HEPH: variants seen among roughly 807,000 people sequenced by gnomAD.
HEPH encodes hephaestin.
HEPH carries 69 observed loss-of-function variants against 80.8 expected under a neutral mutation model. That is an observed-to-expected ratio of 0.85 (90% CI 0.70 to 1.04). HEPH has a LOEUF of 1.04. Ranked by LOEUF, HEPH falls within the 50% of genes least tolerant of loss-of-function variation. The pLI is 0.00. For synonymous variants in HEPH, 431 were observed against 322.8 expected (o/e 1.34, Z -3.60); for missense variants, 1,115 against 891.3 (o/e 1.25, Z -3.20).
chrX:66,193,333 T>G (rs1278677186), intron 7 of HEPH, among the ~76,000 whole-genome samples, 169 bp from the exon 8 acceptor site: 2 of 110,193 alleles, frequency 1.8e-5, no homozygotes, highest in Non-Finnish European at 3.8e-5. Context: ...GTATATAACT[T>G]TCTAGTGGTG....
chrX:66,239,659 A>G (rs2090495263), intron 15 of HEPH, among the ~76,000 whole-genome samples: 1 of 111,768 alleles, frequency 8.9e-6, no homozygotes. Context: ...CTAGACCCTG[A>G]CCTCATAGAG....
chrX:66,225,443 T>G (rs1037585749), intron 15 of HEPH, among the ~76,000 whole-genome samples: 1 of 111,138 alleles, frequency 9.0e-6, no homozygotes, highest in African/African-American at 3.3e-5. Flanking sequence ...AGGTCAAAAC[T>G]AAAACCAAAG....
chrX:66,218,498 C>T (rs886255781), intron 15 of HEPH, among the ~76,000 whole-genome samples: 20 of 111,719 alleles, frequency 1.8e-4, no homozygotes, highest in African/African-American at 6.2e-4. Context: ...TTGACATGAG[C>T]AATAATAGTG....
At chrX:66,240,485 T>C (rs1474207716) in intron 15 of HEPH, among the ~76,000 whole-genome samples, 2 of 101,876 alleles carry the variant, frequency 2.0e-5, no homozygotes, top group Non-Finnish European at 3.9e-5. Context: ...AACCACAGAC[T>C]CAAAAAACTC....
At chrX:66,187,867 A>G (rs1371427033) in intron 4 of HEPH, among the ~76,000 whole-genome samples, 1 of 112,317 alleles carries the variant, frequency 8.9e-6, no homozygotes, top group African/African-American at 3.2e-5. Context: ...AAAAACAACA[A>G]AACACCAAAC....
At chrX:66,222,707 T>C (rs1406632132) in intron 15 of HEPH, among the ~76,000 whole-genome samples, 1 of 111,304 alleles carries the variant, frequency 9.0e-6, no homozygotes, top group African/African-American at 3.3e-5. Flanking sequence ...TTCCCCAGAT[T>C]AAATGGTCCT....
intron 15 of HEPH, among the ~76,000 whole-genome samples, chrX:66,230,366 G>T (rs1363093110): frequency 2.0e-5 from 2 of 100,615 alleles, no homozygotes; most frequent in Non-Finnish European, 3.9e-5. Context: ...CTTCCACAAT[G>T]GTTGAACTAG....
chrX:66,240,170 A>G (rs886528971), intron 15 of HEPH, among the ~76,000 whole-genome samples: 2 of 112,200 alleles, frequency 1.8e-5, no homozygotes, highest in African/African-American at 6.5e-5. Flanking sequence ...TAAGAATAAA[A>G]TGGAAATGCT....
At chrX:66,163,024 T>C, upstream of HEPH, 1 of 486,157 alleles carries the variant, frequency 2.1e-6, no homozygotes, top group Non-Finnish European at 3.3e-6. Context: ...TCCCTATACT[T>C]TGTGTCTTTG....
At chrX:66,177,695 G>GT (rs915262163) in intron 4 of HEPH, among the ~76,000 whole-genome samples, 3 of 110,835 alleles carry the variant, frequency 2.7e-5, no homozygotes, top group African/African-American at 6.6e-5. Flanking sequence ...TTATCTTGTA[G>GT]TTTTTTTGTT....
chrX:66,204,040 C>T (rs1448002073), intron 13 of HEPH, among the ~76,000 whole-genome samples: 5 of 112,118 alleles, frequency 4.5e-5, no homozygotes, highest in African/African-American at 1.6e-4. Flanking sequence ...TCAGGGCTGG[C>T]AGGTGAACCC....
chrX:66,229,501 G>A (rs1237958935), intron 15 of HEPH, among the ~76,000 whole-genome samples: 1 of 111,685 alleles, frequency 9.0e-6, no homozygotes, highest in East Asian at 2.8e-4. Flanking sequence ...TGAATACAGT[G>A]TACACTGCTC....
chrX:66,201,420 G>C (rs2088445522), intron 12 of HEPH, among the ~76,000 whole-genome samples: 1 of 110,192 alleles, frequency 9.1e-6, no homozygotes, highest in African/African-American at 3.3e-5. Context: ...CTGTCCTTTT[G>C]TCCTCCCTCC....
chrX:66,171,251 T>G (rs1412477446), intron 2 of HEPH: 2 of 213,877 alleles, frequency 9.4e-6, no homozygotes, highest in African/African-American at 6.1e-5. Context: ...GTCTCAACTC[T>G]CACAAAAACT....
chrX:66,199,001 G>A lies in HEPH; in HGVS notation c.1837G>A (p.Gly613Ser), dbSNP rs1386066988. ...DFRLLSEDIE[G>S]FQDSNRMHAI... ...CCGACTGCTTTCAGAGGATATTGAG[G>A]GCTTCCAAGACTCCAATCGGATGCA... The change falls in exon 11 of 21, where the codon GGC becomes AGC. Residue 613 changes from glycine to serine, a missense_variant. Physicochemically the swap from Gly to Ser is moderately conservative, Grantham distance 56. Around this residue, in one of 3 missense-constraint regions of HEPH, gnomAD observed 716 missense variants for 523.5 expected, o/e 1.37. Coordinates refer to ENST00000343002, the MANE Select transcript of HEPH (RefSeq NM_001367233.3). 2.5e-6 allele frequency: 3 copies of A among 1,211,247 alleles called. No individual in the cohort carries two copies. The highest frequency in any genetic ancestry group is 3.4e-6 in the Non-Finnish European group (3 of 895,109).
chrX:66,208,633 T>TAC (rs1168905048), intron 15 of HEPH, among the ~76,000 whole-genome samples: 9 of 488 alleles, frequency 0.018, no homozygotes, highest in East Asian at 0.11. Flanking sequence ...TATACATACA[T>TAC]ATATATATAT....
intron 15 of HEPH, among the ~76,000 whole-genome samples, chrX:66,220,754 T>A (rs940145805): frequency 1.3e-4 from 15 of 111,197 alleles, no homozygotes; most frequent in African/African-American, 4.6e-4. Context: ...GGCTAACACA[T>A]TACTCATATC....
intron 15 of HEPH, among the ~76,000 whole-genome samples, chrX:66,226,050 G>A (rs936259398): frequency 1.8e-5 from 2 of 111,057 alleles, no homozygotes; most frequent in African/African-American, 3.3e-5. Flanking sequence ...ATGTGACTGG[G>A]GGCTGCATTC....
chrX:66,245,294 G>A (rs1247851087), intron 15 of HEPH, among the ~76,000 whole-genome samples: 1 of 110,974 alleles, frequency 9.0e-6, no homozygotes, highest in Middle Eastern at 4.3e-3. Flanking sequence ...GATCTACCAA[G>A]CAAATGGAAA....
Sources: gnomAD v4.1 joint callset for allele counts (sites outside exome capture counted in the v4.1 genomes callset) on GRCh38, gnomAD v4.1.1 for gene constraint, gnomAD v4.1.1 regional missense constraint, MANE v1.5 for transcripts, NCBI Gene and HGNC (gene_info 2026-07-23, HGNC 2026-07-21) for gene names.